The following POGZ variants were observed in gnomAD, a reference collection of about 807,000 sequenced individuals.
POGZ encodes pogo transposable element derived with ZNF domain.
POGZ carries 17 observed loss-of-function variants against 134.6 expected under a neutral mutation model. That is an observed-to-expected ratio of 0.13 (90% confidence interval 0.09 to 0.19). The LOEUF (loss-of-function observed/expected upper bound fraction) is 0.19, where lower values mean the gene tolerates loss of function less well. Ranked by LOEUF, POGZ falls within the 10% of genes least tolerant of loss-of-function variation. POGZ has a pLI of 1.00. For missense variants in POGZ, 1,306 were observed against 1,769.7 expected, an observed-to-expected ratio of 0.74 and a Z score of 4.70; for synonymous variants, 693 against 657.1, an observed-to-expected ratio of 1.05 and a Z score of -0.84.
intron 7 of POGZ, chr1:151,425,356 A>G (rs981610727): frequency 4.2e-6 from 1 of 237,978 alleles, no homozygotes; most frequent in African/African-American, 2.2e-5. Context: ...GCCAGGGGTC[A>G]GCAAACCACA....
chr1:151,408,559 C>T lies in POGZ; in HGVS notation c.2084G>A (p.Gly695Glu). ...GGATACAGGAACAGTTCGTGGCTGC[C>T]CTCGGGAAGCCCGGATTGTCACCTG... ...GTKVTIRASR[G>E]QPRTVPVSSN... The change falls in exon 14 of 19, where the codon GGG (glycine) becomes GAG (glutamate). Residue 695 changes from glycine to glutamate, a missense_variant. Transcript: ENST00000271715. The T allele has an allele frequency of 6.2e-7, 1 of 1,610,382 alleles. No homozygotes were observed. Among genetic ancestry groups the T allele is most frequent in the Non-Finnish European group, 8.5e-7 (1 of 1,179,098 alleles).
At chr1:151,426,652 CAA>C (rs1159069418) in intron 7 of POGZ, 1 of 152,150 alleles carries the variant, frequency 6.6e-6, no homozygotes, top group East Asian at 1.9e-4. Flanking sequence ...ACGTCCTGCA[CAA>C]AAGTTTTAAA....
chr1:151,451,549 C>T (rs926498060), intron 1 of POGZ, among the ~76,000 whole-genome samples: 1 of 151,618 alleles, frequency 6.6e-6, no homozygotes, highest in Non-Finnish European at 1.5e-5. Flanking sequence ...TGGTCTTCAA[C>T]TCCTGACCTC....
At chr1:151,410,171 A>AAGTC (rs1400851661) in intron 12 of POGZ, among the ~76,000 whole-genome samples, 1 of 152,208 alleles carries the variant, frequency 6.6e-6, no homozygotes, top group African/African-American at 2.4e-5. Flanking sequence ...TTTTAAAACG[A>AAGTC]AGTCATAGCT....
Position 151,430,853 on chromosome 1 carries a change from AGG to A in POGZ, c.284-14_284-13del. 6.5e-7 allele frequency: 1 copy of A among 1,536,434 alleles called. No homozygotes were observed. Among genetic ancestry groups the A allele is most frequent in the African/African-American group, 1.4e-5 (1 of 68,986 alleles). ...CAAAGGATTGCCAGCTAAAGGGTAA[AGG>A]AAGAAAAAAAAAAAGGAATGTTAGA... On this transcript the variant is annotated splice_polypyrimidine_tract_variant and intron_variant, in intron 3 of 18. Transcript: ENST00000271715.
At chr1:151,456,563 C>G (rs565898610) in intron 1 of POGZ, among the ~76,000 whole-genome samples, 112 of 152,336 alleles carry the variant, frequency 7.4e-4, no homozygotes, top group African/African-American at 2.6e-3. Context: ...TTCATGACAA[C>G]AATCACACCT....
intron 1 of POGZ, among the ~76,000 whole-genome samples, chr1:151,444,024 G>A (rs551991552): frequency 6.6e-6 from 1 of 152,332 alleles, no homozygotes; most frequent in South Asian, 2.1e-4. Context: ...CAGTTTGCAA[G>A]AAGCCCAACA....
chr1:151,445,614 TA>T (rs11352686), intron 1 of POGZ, among the ~76,000 whole-genome samples: 111,547 of 150,804 alleles, frequency 0.74, 42,666 homozygotes, highest in Non-Finnish European at 0.82. Flanking sequence ...CATTTTTTTT[TA>T]AACAACATAG....
intron 1 of POGZ, among the ~76,000 whole-genome samples, chr1:151,449,095 A>G (rs923266431): frequency 2.6e-5 from 4 of 152,170 alleles, no homozygotes; most frequent in African/African-American, 9.7e-5. Context: ...CTCATTTCGA[A>G]CCTTCAATTA....
At chr1:151,428,441 C>A (rs1477782390) in intron 5 of POGZ, 28 bp from the exon 6 acceptor site, 1 of 1,605,976 alleles carries the variant, frequency 6.2e-7, no homozygotes, top group East Asian at 2.2e-5. Flanking sequence ...AGTACCAGAT[C>A]TTGGTCAGTG....
At chr1:151,407,989 G>C in intron 15 of POGZ, 111 bp downstream of exon 15, 1 of 820,718 alleles carries the variant, frequency 1.2e-6, no homozygotes, top group Non-Finnish European at 1.9e-6. Flanking sequence ...TCCAGCCTAG[G>C]GGACAGAGTG....
chr1:151,458,619 T>C lies in POGZ; in HGVS notation c.-2+533A>G, dbSNP rs1164664133. Among the ~76,000 whole-genome samples the C allele has an allele frequency of 1.9e-3, 205 of 105,872 alleles. 2 individuals carry two copies. Among genetic ancestry groups the C allele is most frequent in the Middle Eastern group, 4.3e-3 (1 of 234 alleles). 69.5% of individuals were successfully genotyped at this position (105,872 alleles called of 152,430 possible). A position where few individuals can be genotyped will look rare whatever the true frequency, so the allele number is the denominator to read the frequency against. On this transcript the variant is annotated intron_variant, in intron 1 of 18. Coordinates refer to ENST00000271715, the MANE Select transcript of POGZ (RefSeq NM_015100.4). ...GGGCCGCTCCGCCGCCGCCCGCCCC[T>C]CCGCCGCACGGCCTCGCCCCCTCGC...
chr1:151,438,791 T>C (rs987470997), intron 3 of POGZ, among the ~76,000 whole-genome samples: 3 of 151,994 alleles, frequency 2.0e-5, no homozygotes, highest in Admixed American at 2.0e-4. Context: ...GATGGCAGGA[T>C]TGCTGAGCCA....
Position 151,427,884 on chromosome 1 carries a change from C to T in POGZ, c.1017G>A (p.Val339=). Residue 339 remains valine (V), a synonymous_variant, in exon 7 of 19, where the codon GTG becomes GTA. Transcript: ENST00000271715. ...SLGQSPGPVV[V]SNNSSAHGSQ... ...AGCCATGAGCAGAGCTGTTGTTGGA[C>T]ACCACCACTGGCCCAGGACTCTGGC... 6.2e-7 allele frequency: 1 copy of T among 1,614,154 alleles called. No homozygotes were observed. Among genetic ancestry groups the T allele is most frequent in the Non-Finnish European group, 8.5e-7 (1 of 1,180,008 alleles).
Position 151,407,223 on chromosome 1 carries a change from G to GT in POGZ, c.2432+11dup, listed in dbSNP as rs112834709. 2,993 of 1,580,726 alleles carry GT rather than the reference G, an allele frequency of 1.9e-3. 48 individuals are homozygous for GT. The African/African-American group carries it at 0.036, about 19-fold the overall frequency. The stretch of plus-strand genomic sequence containing the variant: ...TGAAAAATTAAGATGCTGCCAATAA[G>GT]TTTTTTCTTACCTCACAGAATTTTT... On this transcript the variant is annotated intron_variant, in intron 16 of 18. Coordinates refer to ENST00000271715, the MANE Select transcript of POGZ (RefSeq NM_015100.4).
At chr1:151,431,473 A>G (rs1414503962) in intron 3 of POGZ, among the ~76,000 whole-genome samples, 2 of 152,242 alleles carry the variant, frequency 1.3e-5, no homozygotes, top group East Asian at 3.8e-4. Flanking sequence ...TTCAGCAAGC[A>G]CACAGAATCT....
intron 1 of POGZ, among the ~76,000 whole-genome samples, chr1:151,454,363 A>T (rs1359257159): frequency 6.6e-6 from 1 of 152,222 alleles, no homozygotes; most frequent in African/African-American, 2.4e-5. Flanking sequence ...CTGAATACTT[A>T]ATCTGTGTAT....
intron 1 of POGZ, among the ~76,000 whole-genome samples, chr1:151,443,937 GA>G (rs537596907): frequency 1.3e-5 from 2 of 152,110 alleles, no homozygotes; most frequent in Non-Finnish European, 2.9e-5. Flanking sequence ...ATCCATAAGC[GA>G]AAACCAAAAC....
At chr1:151,410,593 G>C (rs183554765) in intron 12 of POGZ, among the ~76,000 whole-genome samples, 106 of 152,138 alleles carry the variant, frequency 7.0e-4, no homozygotes, top group African/African-American at 2.5e-3. Flanking sequence ...TTCTCAACAG[G>C]GTTGGGGGGC....
Sources: gnomAD v4.1 joint callset for allele counts (sites outside exome capture counted in the v4.1 genomes callset) on GRCh38, gnomAD v4.1.1 for gene constraint, MANE v1.5 for transcripts, NCBI Gene and HGNC (gene_info 2026-07-23, HGNC 2026-07-21) for gene names.